TRAK1: variants seen among roughly 807,000 people sequenced by gnomAD.
TRAK1 encodes trafficking kinesin-binding protein 1.
In TRAK1, 33 loss-of-function variants were observed where a neutral mutation model predicts 92.1. That is an observed-to-expected ratio of 0.36 (90% confidence interval 0.27 to 0.48). TRAK1 has a LOEUF of 0.48. Among genes scored for constraint, TRAK1 ranks in the 20% least tolerant of loss-of-function variants. The pLI is 0.99. For synonymous variants in TRAK1, 521 were observed against 517.3 expected, an observed-to-expected ratio of 1.01 and a Z score of -0.10; for missense variants, 1,123 against 1,257.9, an observed-to-expected ratio of 0.89 and a Z score of 1.62.
chr3:42,125,461 A>G lies in TRAK1; in HGVS notation c.133A>G (p.Ser45Gly). The G allele has an allele frequency of 6.2e-7, 1 of 1,614,228 alleles. No individual in the cohort carries two copies. The highest frequency in any genetic ancestry group is 8.5e-7 in the Non-Finnish European group (1 of 1,180,030). ...STDLPEVEII[S>G]LLEEQLPHYK... ...CGATCTTCCGGAAGTCGAGATCATT[A>G]GCCTGCTGGAGGAGCAGCTGCCCCA... Residue 45 changes from serine (S) to glycine (G), a missense_variant, in exon 2 of 16, where the codon AGC (serine) becomes GGC (glycine). Around this residue, in one of 3 missense-constraint regions of TRAK1, gnomAD observed 686 missense variants for 747.6 expected, o/e 0.92. Coordinates refer to ENST00000327628, the MANE Select transcript of TRAK1 (RefSeq NM_001042646.3).
chr3:42,096,946 C>T (rs1409083939), intron 1 of TRAK1, among the ~76,000 whole-genome samples: 3 of 152,262 alleles, frequency 2.0e-5, no homozygotes, highest in African/African-American at 7.2e-5. Flanking sequence ...TTTCCACCTT[C>T]ATCTTATTCC....
intron 1 of TRAK1, among the ~76,000 whole-genome samples, chr3:42,102,469 G>A (rs1221831539): frequency 6.6e-6 from 1 of 152,200 alleles, no homozygotes; most frequent in Non-Finnish European, 1.5e-5. Context: ...TGTGTTAAGG[G>A]TATGGTACTG....
At chr3:42,081,500 C>T (rs17067875) in intron 1 of TRAK1, among the ~76,000 whole-genome samples, 77,876 of 152,022 alleles carry the variant, frequency 0.51, 21,242 homozygotes, top group South Asian at 0.68. Context: ...GTGCCAACAC[C>T]GGTCCATGCT....
intron 1 of TRAK1, among the ~76,000 whole-genome samples, chr3:42,099,717 C>G (rs903569566): frequency 6.6e-6 from 1 of 152,174 alleles, no homozygotes; most frequent in Non-Finnish European, 1.5e-5. Flanking sequence ...TAATTATGCT[C>G]TTTTGTTCAG....
At chr3:42,157,346 C>T (rs1224462021) in intron 2 of TRAK1, among the ~76,000 whole-genome samples, 1 of 146,660 alleles carries the variant, frequency 6.8e-6, no homozygotes, top group Non-Finnish European at 1.5e-5. Flanking sequence ...GTGGTGCCAA[C>T]TACTTAGGAG....
chr3:42,041,915 C>G (rs988896937), intron 1 of TRAK1, among the ~76,000 whole-genome samples: 4 of 152,100 alleles, frequency 2.6e-5, no homozygotes, highest in African/African-American at 7.2e-5. Flanking sequence ...CTGCCTTAGC[C>G]TCCTGAGTCT....
At chr3:42,028,724 A>G (rs1704578466) in intron 1 of TRAK1, among the ~76,000 whole-genome samples, 1 of 152,282 alleles carries the variant, frequency 6.6e-6, no homozygotes, top group Admixed American at 6.5e-5. Flanking sequence ...GGAGATAGTC[A>G]GGGGACGGCT....
rs1033079723 is a variant in TRAK1, at chr3:42,202,832, G to A, written c.1744+80G>A. Reference sequence around the variant, plus strand: ...CCCTGATCCACCTGCGGAAGGCGGGGCACCTCTGTCACGCCTACTCCTTTT... The same window carrying A: ...CCCTGATCCACCTGCGGAAGGCGGGACACCTCTGTCACGCCTACTCCTTTT... On this transcript the variant is annotated intron_variant, in intron 13 of 15. Coordinates refer to ENST00000327628, the MANE Select transcript of TRAK1 (RefSeq NM_001042646.3). The surrounding 1 kb of genome is among the most constrained non-coding windows in gnomAD (Gnocchi z 6.1). 2 of 1,574,966 alleles carry A rather than the reference G, an allele frequency of 1.3e-6. No individual in the cohort carries two copies. The highest frequency in any genetic ancestry group is 1.1e-5 in the South Asian group (1 of 88,236).
At chr3:42,026,175 C>T (rs1409828293) in intron 1 of TRAK1, among the ~76,000 whole-genome samples, 2 of 152,004 alleles carry the variant, frequency 1.3e-5, no homozygotes, top group Admixed American at 6.6e-5. Flanking sequence ...CTTTGTGAAA[C>T]TAGAAGAGGA....
At chr3:42,083,055 C>T (rs567258484), upstream of TRAK1, among the ~76,000 whole-genome samples, 5 of 152,274 alleles carry the variant, frequency 3.3e-5, no homozygotes, top group East Asian at 3.9e-4. Flanking sequence ...TACTTGAGCC[C>T]GAGAGCTACA....
At chr3:42,184,456 A>G (rs1193569846) in intron 3 of TRAK1, among the ~76,000 whole-genome samples, 1 of 152,164 alleles carries the variant, frequency 6.6e-6, no homozygotes, top group Non-Finnish European at 1.5e-5. Context: ...TTTTCATTAC[A>G]TTGTCAGGCT....
chr3:42,050,297 T>C (rs1702929496), intron 1 of TRAK1, among the ~76,000 whole-genome samples: 1 of 152,214 alleles, frequency 6.6e-6, no homozygotes, highest in Non-Finnish European at 1.5e-5. Flanking sequence ...GTGTGTTCAC[T>C]TTCTCTGATC....
At chr3:42,217,665 A>G in intron 14 of TRAK1, 2 of 984,984 alleles carry the variant, frequency 2.0e-6, no homozygotes, top group Non-Finnish European at 2.4e-6. Flanking sequence ...ATTTCTTTTA[A>G]ATGTTATCTC....
chr3:42,116,461 A>T (rs766495882), intron 1 of TRAK1, among the ~76,000 whole-genome samples: 1 of 152,254 alleles, frequency 6.6e-6, no homozygotes, highest in Non-Finnish European at 1.5e-5. Context: ...TGTCTGTCAG[A>T]TACCACTTAC....
chr3:42,101,111 T>C (rs1706690506), intron 1 of TRAK1, among the ~76,000 whole-genome samples: 1 of 152,208 alleles, frequency 6.6e-6, no homozygotes, highest in Non-Finnish European at 1.5e-5. Context: ...TGTTTGTCTC[T>C]TATTTGGGGA....
chr3:42,090,251 A>C (rs545344316), upstream of TRAK1, among the ~76,000 whole-genome samples: 1 of 152,334 alleles, frequency 6.6e-6, no homozygotes, highest in African/African-American at 2.4e-5. Context: ...CCGCATCTAC[A>C]TTTGTCCAAA....
intron 14 of TRAK1, among the ~76,000 whole-genome samples, chr3:42,214,358 G>GC (rs1048600911): frequency 6.6e-6 from 1 of 152,212 alleles, no homozygotes; most frequent in Non-Finnish European, 1.5e-5. Context: ...ATGCAGCTCA[G>GC]CCAGGCCAGC....
intron 14 of TRAK1, among the ~76,000 whole-genome samples, chr3:42,215,399 A>T (rs958767597): frequency 8.5e-5 from 13 of 152,242 alleles, no homozygotes; most frequent in African/African-American, 3.1e-4. Flanking sequence ...CCTAGGGGAT[A>T]GTCCAAGACA....
intron 1 of TRAK1, among the ~76,000 whole-genome samples, chr3:42,028,029 T>G (rs1393914726): frequency 2.0e-5 from 3 of 152,160 alleles, no homozygotes; most frequent in African/African-American, 7.2e-5. Flanking sequence ...TTTTGTATTT[T>G]TAGTAGAGAC....
Sources: allele counts gnomAD v4.1 joint callset (sites outside exome capture counted in the v4.1 genomes callset), GRCh38; gene constraint gnomAD v4.1.1; regional missense constraint gnomAD v4.1.1; non-coding constraint Gnocchi (gnomAD v3.1); transcripts MANE v1.5; gene names NCBI Gene and HGNC (gene_info 2026-07-23, HGNC 2026-07-21).